The following STK32B variants were observed in gnomAD, a reference collection of about 807,000 sequenced individuals.
STK32B encodes the protein serine/threonine kinase 32B.
Under a neutral mutation model 52.6 loss-of-function variants are expected in STK32B, and 43 were observed. The observed-to-expected ratio is 0.82, with a 90% CI of 0.64 to 1.05. STK32B has a LOEUF of 1.05. STK32B is among the 50% of genes least tolerant of loss of function. The probability of loss-of-function intolerance (pLI) is 0.00; values close to 1 mark genes in which losing one functional copy is unlikely to be tolerated. For missense variants in STK32B, 621 were observed against 534.6 expected (o/e 1.16, Z -1.59); for synonymous variants, 238 against 204.3 (o/e 1.17, Z -1.41).
chr4:5,166,261 G>T (rs1484836748), intron 2 of STK32B, among the ~76,000 whole-genome samples: 1 of 151,788 alleles, frequency 6.6e-6, no homozygotes, highest in African/African-American at 2.4e-5. Flanking sequence ...GTGACAGCTG[G>T]GGAGGCAGAG....
Position 5,112,482 on chromosome 4 carries a change from C to G in STK32B, c.53-27423C>G, listed in dbSNP as rs1284244471. Among the ~76,000 whole-genome samples, 6 of 152,072 alleles carry G rather than the reference C, an allele frequency of 3.9e-5. 1 individual carries two copies. The highest frequency in any genetic ancestry group is 1.5e-4 in the African/African-American group (6 of 41,376). On this transcript the variant is annotated intron_variant, in intron 1 of 11. Coordinates refer to ENST00000282908, the MANE Select transcript of STK32B (RefSeq NM_018401.3). ...TCCAAAGAGGGCTGATGTCCTGGCT[C>G]AAGGCAGTCAGGCAGGAGGAGTTCC... is the stretch of plus-strand genomic sequence containing the variant.
At chr4:5,444,457 G>A (rs1043577981) in intron 6 of STK32B, among the ~76,000 whole-genome samples, 5 of 152,180 alleles carry the variant, frequency 3.3e-5, no homozygotes, top group Admixed American at 6.5e-5. Context: ...GCCCTGCTTT[G>A]GCTCGCGCAC....
At chr4:5,472,149 GTCATTTGACAGCTAAA>G (rs1717895332) in intron 11 of STK32B, among the ~76,000 whole-genome samples, 1 of 152,340 alleles carries the variant, frequency 6.6e-6, no homozygotes, top group East Asian at 1.9e-4. Flanking sequence ...AATGCATTCA[GTCATTTGACAGCTAAA>G]TCATAATCCT....
At chr4:5,496,134 C>A (rs2108734611) in intron 11 of STK32B, among the ~76,000 whole-genome samples, 1 of 152,368 alleles carries the variant, frequency 6.6e-6, no homozygotes, top group Non-Finnish European at 1.5e-5. Flanking sequence ...TTTAAGTCTG[C>A]AGAGGTTACT....
rs1167044244 is a variant in STK32B, at chr4:5,500,032, C to T, written c.*949C>T. On this transcript the variant is annotated 3_prime_UTR_variant, in exon 12 of 12. Transcript: ENST00000282908. ...TTGGTGGAGCGGCTCCCTATTTATA[C>T]AATAGGAAGCATGGGTGCTTAGAAA... 6.6e-6 allele frequency: 1 copy of T among 152,198 alleles called. No homozygotes were observed. Among genetic ancestry groups the T allele is most frequent in the African/African-American group, 2.4e-5 (1 of 41,446 alleles). 9.4% of individuals were successfully genotyped at this position (152,198 alleles called of 1,614,324 possible). A position where few individuals can be genotyped will look rare whatever the true frequency, so the allele number is the denominator to read the frequency against.
chr4:5,260,838 G>A (rs1726663906), intron 3 of STK32B, among the ~76,000 whole-genome samples: 1 of 152,184 alleles, frequency 6.6e-6, no homozygotes, highest in South Asian at 2.1e-4. Context: ...GAAGGCAACA[G>A]AAAGGAAGGG....
the STK32B span, among the ~76,000 whole-genome samples, chr4:5,039,162 T>A: frequency 2.6e-5 from 4 of 151,948 alleles, no homozygotes; most frequent in African/African-American, 7.3e-5. Context: ...ATATATATAT[T>A]TTTTGTATTT....
At position 5,104,999 on chromosome 4, in the gene STK32B, C is replaced by G. The variant is rs187113819; in HGVS notation, c.53-34906C>G. On this transcript the variant is annotated intron_variant, in intron 1 of 11. Coordinates refer to ENST00000282908, the MANE Select transcript of STK32B (RefSeq NM_018401.3). ...GAAATTTCTAGGTCATAGAGTATGCCTGTGCTCAATTATCTAAAGCAGTTG... is the reference window on the plus strand; with the variant it reads ...GAAATTTCTAGGTCATAGAGTATGCGTGTGCTCAATTATCTAAAGCAGTTG... 2.0e-5 allele frequency among the ~76,000 whole-genome samples: 3 copies of G among 152,276 alleles called. No homozygotes were observed. In the East Asian group the frequency reaches 5.8e-4, roughly 29 times the overall value.
chr4:5,391,319 G>A (rs1018816539), intron 4 of STK32B, among the ~76,000 whole-genome samples: 2 of 152,098 alleles, frequency 1.3e-5, no homozygotes, highest in African/African-American at 4.8e-5. Context: ...CCTAATCCAG[G>A]ACAACTTCTG....
At position 5,489,775 on chromosome 4, in the gene STK32B, G is replaced by A. The variant is rs186012581; in HGVS notation, c.1107-9170G>A. ...TACCAAAGATTTACTTACGTGACAT[G>A]AACTTTATAAAATGGGTTAATTACT... On this transcript the variant is annotated intron_variant, in intron 11 of 11. Coordinates refer to ENST00000282908, the MANE Select transcript of STK32B (RefSeq NM_018401.3). Among the ~76,000 whole-genome samples, 229 of 152,076 alleles carry A rather than the reference G, an allele frequency of 1.5e-3. 1 individual carries two copies. The highest frequency in any genetic ancestry group is 5.3e-3 in the African/African-American group (219 of 41,488).
chr4:5,138,656 G>A (rs115483385), intron 1 of STK32B, among the ~76,000 whole-genome samples: 321 of 152,304 alleles, frequency 2.1e-3, no homozygotes, highest in African/African-American at 7.2e-3. Flanking sequence ...GAGTCTAGTA[G>A]GGAAAAGTGA....
intron 1 of STK32B, among the ~76,000 whole-genome samples, chr4:5,129,383 G>A (rs185112026): frequency 1.3e-5 from 2 of 152,238 alleles, no homozygotes; most frequent in East Asian, 1.9e-4. Flanking sequence ...GGACATTTTT[G>A]TGACTAGGTT....
chr4:5,239,603 A>G (rs908064677), intron 3 of STK32B, among the ~76,000 whole-genome samples: 3 of 152,090 alleles, frequency 2.0e-5, no homozygotes, highest in Non-Finnish European at 4.4e-5. Context: ...GTGTGCACCC[A>G]ACTGATGCTG....
At chr4:5,444,407 C>T (rs1394825694) in intron 6 of STK32B, among the ~76,000 whole-genome samples, 2 of 152,212 alleles carry the variant, frequency 1.3e-5, no homozygotes, top group African/African-American at 4.8e-5. Flanking sequence ...GGAAAGGGAA[C>T]TCCCTGACCC....
At chr4:5,094,972 C>T (rs1713301576) in intron 1 of STK32B, among the ~76,000 whole-genome samples, 1 of 152,226 alleles carries the variant, frequency 6.6e-6, no homozygotes, top group African/African-American at 2.4e-5. Context: ...GCCCTGGGCA[C>T]TGTGGGCTCA....
At chr4:5,181,869 T>C (rs185275286) in intron 3 of STK32B, among the ~76,000 whole-genome samples, 8 of 152,358 alleles carry the variant, frequency 5.3e-5, no homozygotes, top group Admixed American at 3.9e-4. Flanking sequence ...AACAAGAAAG[T>C]GTGCCACAAT....
At chr4:5,126,984 C>T (rs972340606) in intron 1 of STK32B, 2 of 425,922 alleles carry the variant, frequency 4.7e-6, no homozygotes, top group Non-Finnish European at 9.5e-6. Flanking sequence ...CTGTCTATTC[C>T]CTCTCCTTTT....
intron 3 of STK32B, among the ~76,000 whole-genome samples, chr4:5,281,988 T>G (rs1044352767): frequency 3.9e-5 from 6 of 152,226 alleles, no homozygotes; most frequent in Non-Finnish European, 7.3e-5. Flanking sequence ...TATTAACAAG[T>G]CATAATTACA....
chr4:5,306,679 G>C (rs1249620709), intron 3 of STK32B, among the ~76,000 whole-genome samples: 1 of 152,110 alleles, frequency 6.6e-6, no homozygotes, highest in Non-Finnish European at 1.5e-5. Flanking sequence ...TCTATTCATT[G>C]TGCTGTTTGT....
Sources: allele counts gnomAD v4.1 joint callset (sites outside exome capture counted in the v4.1 genomes callset), GRCh38; gene constraint gnomAD v4.1.1; transcripts MANE v1.5; gene names NCBI Gene and HGNC (gene_info 2026-07-23, HGNC 2026-07-21).